Variants in PARP8 observed in about 807,000 individuals in gnomAD.
PARP8 encodes the protein protein mono-ADP-ribosyltransferase PARP8.
Under a neutral mutation model 124.1 loss-of-function variants are expected in PARP8, and 51 were observed. The ratio of observed to expected loss-of-function variants is 0.41; its 90% CI spans 0.33 to 0.52. The LOEUF is 0.52. Ranked by LOEUF, PARP8 falls within the 20% of genes least tolerant of loss-of-function variation. The pLI is 0.21. For missense variants in PARP8, 860 were observed against 1,018.9 expected, an observed-to-expected ratio of 0.84 and a Z score of 2.12; for synonymous variants, 391 against 361.5, an observed-to-expected ratio of 1.08 and a Z score of -0.93.
At chr5:50,800,408 C>T (rs754819100) in intron 14 of PARP8, among the ~76,000 whole-genome samples, 1 of 152,032 alleles carries the variant, frequency 6.6e-6, no homozygotes, top group African/African-American at 2.4e-5. Context: ...AATCAGGATG[C>T]CTTTTATTAC....
At chr5:50,760,093 A>T (rs75740738) in intron 4 of PARP8, among the ~76,000 whole-genome samples, 199 bp from the exon 5 acceptor site, 1 of 152,288 alleles carries the variant, frequency 6.6e-6, no homozygotes, top group East Asian at 1.9e-4. Flanking sequence ...GTTTAATCAC[A>T]TCTTTCTGCA....
Position 50,795,149 on chromosome 5 carries a change from G to T in PARP8, c.1160G>T (p.Arg387Leu), listed in dbSNP as rs554189401. The part of the protein sequence containing the change: ...LTLKSHRLLT[R>L]SCSGDPRCEH... ...CTAAAGTCGCATAGACTATTGACTC[G>T]ATCTTGTTCTGGAGATCCACGATGT... Residue 387 changes from arginine (R) to leucine (L), a missense_variant, in exon 12 of 26, where the codon CGA becomes CTA. Physicochemically the swap from Arg to Leu is moderately radical, Grantham distance 102. This residue lies in a region of PARP8 where 517 missense variants were observed against 544.2 expected (regional missense o/e 0.95). Transcript: ENST00000281631. The T allele has an allele frequency of 6.2e-6, 10 of 1,614,036 alleles. No homozygotes were observed. Among genetic ancestry groups the T allele is most frequent in the Non-Finnish European group, 7.6e-6 (9 of 1,180,026 alleles).
chr5:50,687,374 GT>G (rs1381481138), intron 2 of PARP8, among the ~76,000 whole-genome samples: 4 of 151,960 alleles, frequency 2.6e-5, no homozygotes, highest in Non-Finnish European at 4.4e-5. Flanking sequence ...TTGCTATCAG[GT>G]TTTTGGTCAA....
chr5:50,776,434 A>C (rs919215785), intron 7 of PARP8, among the ~76,000 whole-genome samples: 1 of 152,174 alleles, frequency 6.6e-6, no homozygotes, highest in Non-Finnish European at 1.5e-5. Flanking sequence ...CTTCCTCTTC[A>C]GATTTTTAGA....
intron 15 of PARP8, among the ~76,000 whole-genome samples, chr5:50,816,718 A>G (rs1325121435): frequency 6.6e-6 from 1 of 152,164 alleles, no homozygotes; most frequent in African/African-American, 2.4e-5. Context: ...CCCCACACCC[A>G]ACATGCACAC....
chr5:50,831,527 A>G (rs540037061), intron 22 of PARP8, among the ~76,000 whole-genome samples: 12 of 152,332 alleles, frequency 7.9e-5, no homozygotes, highest in African/African-American at 2.9e-4. Context: ...GAAGTGTAAG[A>G]TACCGTAGAG....
intron 7 of PARP8, among the ~76,000 whole-genome samples, chr5:50,767,789 G>A (rs1288835167): frequency 6.6e-6 from 1 of 152,112 alleles, no homozygotes. Context: ...TCTCTCCCAC[G>A]CTGGGCAAAA....
chr5:50,746,310 G>A (rs896514848), intron 2 of PARP8, among the ~76,000 whole-genome samples: 1 of 152,144 alleles, frequency 6.6e-6, no homozygotes, highest in Non-Finnish European at 1.5e-5. Flanking sequence ...AAAAAAGGTA[G>A]CACAAGGGAA....
intron 2 of PARP8, 138 bp downstream of exon 2, chr5:50,668,263 C>T: frequency 3.8e-6 from 3 of 779,864 alleles, no homozygotes; most frequent in Non-Finnish European, 4.4e-6. Context: ...CTACCCAAGC[C>T]TGACGTCCCT....
intron 2 of PARP8, chr5:50,669,326 A>C (rs1749732428): frequency 6.6e-6 from 1 of 152,214 alleles, no homozygotes; most frequent in African/African-American, 2.4e-5. Context: ...TGGTTGATTA[A>C]ATTAACGCTG....
intron 22 of PARP8, 133 bp from the exon 23 acceptor site, chr5:50,832,648 C>T: frequency 1.3e-6 from 1 of 763,606 alleles, no homozygotes; most frequent in Non-Finnish European, 2.1e-6. Context: ...AAGGGCACAG[C>T]CCTTTGTTAC....
chr5:50,805,439 T>C (rs752990540), intron 14 of PARP8, among the ~76,000 whole-genome samples: 1 of 152,046 alleles, frequency 6.6e-6, no homozygotes, highest in Non-Finnish European at 1.5e-5. Flanking sequence ...CTAAGATTTA[T>C]AGAGGTTAAG....
intron 3 of PARP8, among the ~76,000 whole-genome samples, chr5:50,758,686 G>C (rs1760221086): frequency 6.6e-6 from 1 of 152,106 alleles, no homozygotes; most frequent in Non-Finnish European, 1.5e-5. Context: ...GTGCATTATA[G>C]GACCATTATT....
chr5:50,794,358 G>A (rs1244578034), intron 11 of PARP8, 26 bp downstream of exon 11: 1 of 1,609,698 alleles, frequency 6.2e-7, no homozygotes, highest in Admixed American at 1.7e-5. Context: ...CTTCGTCATT[G>A]TCTTACTGAA....
intron 9 of PARP8, among the ~76,000 whole-genome samples, chr5:50,784,497 A>G (rs1200997538): frequency 1.3e-5 from 2 of 152,200 alleles, no homozygotes; most frequent in Non-Finnish European, 1.5e-5. Context: ...CTTACTTTAA[A>G]ATGATTTCTG....
At chr5:50,790,612 A>G (rs1561384322) in intron 10 of PARP8, among the ~76,000 whole-genome samples, 4 of 152,214 alleles carry the variant, frequency 2.6e-5, no homozygotes, top group Non-Finnish European at 4.4e-5. Context: ...ACAAAAGTAC[A>G]CAGGTCTAGG....
chr5:50,704,041 T>G (rs892058770), intron 2 of PARP8, among the ~76,000 whole-genome samples: 3 of 152,204 alleles, frequency 2.0e-5, no homozygotes, highest in African/African-American at 7.2e-5. Context: ...TCTTTTGACA[T>G]GTATTTAACA....
Position 50,666,819 on chromosome 5 carries a change from A to T in PARP8, c.-277A>T. 1 of 1,244,920 alleles carries T rather than the reference A, an allele frequency of 8.0e-7. No individual in the cohort carries two copies. The highest frequency in any genetic ancestry group is 1.6e-5 in the South Asian group (1 of 61,120). The allele number at this position is 1,244,920 out of a possible 1,614,324, so 77.1% of individuals were successfully genotyped here. A position where few individuals can be genotyped will look rare whatever the true frequency, so the allele number is the denominator to read the frequency against. Reference sequence around the variant, plus strand: ...GTGAGACTTGGTGTCATCACCATCCATTGTCAGAAGGGGAGGAAATTGGAA... The same window carrying T: ...GTGAGACTTGGTGTCATCACCATCCTTTGTCAGAAGGGGAGGAAATTGGAA... On this transcript the variant is annotated 5_prime_UTR_variant, in exon 1 of 26. Transcript: ENST00000281631.
At chr5:50,694,128 A>G (rs1752781101) in intron 2 of PARP8, among the ~76,000 whole-genome samples, 1 of 152,166 alleles carries the variant, frequency 6.6e-6, no homozygotes, top group African/African-American at 2.4e-5. Context: ...GTATCCTGCA[A>G]TGAACAAGGA....
Sources: gnomAD v4.1 joint callset for allele counts (sites outside exome capture counted in the v4.1 genomes callset) on GRCh38, gnomAD v4.1.1 for gene constraint, gnomAD v4.1.1 regional missense constraint, MANE v1.5 for transcripts, NCBI Gene and HGNC (gene_info 2026-07-23, HGNC 2026-07-21) for gene names.